The following ZBTB20 variants were observed in gnomAD, a reference collection of about 807,000 sequenced individuals.
ZBTB20 encodes the protein zinc finger and BTB domain containing 20.
Under a neutral mutation model 56.9 loss-of-function variants are expected in ZBTB20, and 9 were observed. That is an observed-to-expected ratio of 0.16 (90% CI 0.10 to 0.28). The LOEUF (loss-of-function observed/expected upper bound fraction) is 0.28. ZBTB20 is among the 10% of genes least tolerant of loss of function. ZBTB20 has a pLI of 1.00. For synonymous variants in ZBTB20, 417 were observed against 420.7 expected, an observed-to-expected ratio of 0.99 and a Z score of 0.11; for missense variants, 655 against 1,003.0, an observed-to-expected ratio of 0.65 and a Z score of 4.69.
In ZBTB20 at chr3:114,862,652, T is replaced by G. The variant is rs150198347; in HGVS notation, c.-417+37652A>C. 7.4e-3 allele frequency among the ~76,000 whole-genome samples: 1,122 copies of G among 152,254 alleles called. 16 individuals are homozygous for G. The highest frequency in any genetic ancestry group is 0.025 in the African/African-American group (1,041 of 41,568). On this transcript the variant is annotated intron_variant, in intron 4 of 11. Transcript: ENST00000675478. The stretch of plus-strand genomic sequence containing the variant: ...TGGTGTCTTATTCACTATTGTATGC[T>G]CCGAGCCTATAACATACCTGGATGG...
chr3:114,774,492 T>C (rs987499136), intron 5 of ZBTB20, among the ~76,000 whole-genome samples: 1 of 152,174 alleles, frequency 6.6e-6, no homozygotes, highest in African/African-American at 2.4e-5. Flanking sequence ...TACCACATTC[T>C]GCTTCCTAGA....
chr3:114,483,789 A>AT (rs1227509074), intron 7 of ZBTB20, among the ~76,000 whole-genome samples: 1 of 152,098 alleles, frequency 6.6e-6, no homozygotes, highest in East Asian at 1.9e-4. Flanking sequence ...TTAACTTTTT[A>AT]TTTGGGGGAA....
At chr3:114,635,291 C>A (rs2059197178) in intron 6 of ZBTB20, among the ~76,000 whole-genome samples, 1 of 152,160 alleles carries the variant, frequency 6.6e-6, no homozygotes, top group South Asian at 2.1e-4. Context: ...AGGTGTATGT[C>A]TCTATCTTGT....
chr3:114,952,395 CAGCTTTT>C (rs1425979219), intron 3 of ZBTB20, among the ~76,000 whole-genome samples: 3 of 152,054 alleles, frequency 2.0e-5, no homozygotes, highest in African/African-American at 7.2e-5. Context: ...TTAGACTTCT[CAGCTTTT>C]AGAACTGTGA....
intron 4 of ZBTB20, among the ~76,000 whole-genome samples, chr3:114,860,149 T>C (rs1475320622): frequency 6.6e-6 from 1 of 151,840 alleles, no homozygotes; most frequent in Non-Finnish European, 1.5e-5. Flanking sequence ...TCTACTAAAA[T>C]ACAAAAAATT....
intron 3 of ZBTB20, among the ~76,000 whole-genome samples, chr3:114,909,527 T>C (rs1395957440): frequency 1.3e-5 from 2 of 152,028 alleles, no homozygotes; most frequent in Non-Finnish European, 2.9e-5. Flanking sequence ...TACAGTAATG[T>C]CCTAGGCCTT....
At chr3:114,522,385 G>A (rs187321115) in intron 6 of ZBTB20, among the ~76,000 whole-genome samples, 1 of 152,144 alleles carries the variant, frequency 6.6e-6, no homozygotes. Context: ...TGAAGACAGA[G>A]AGGTAATGGG....
intron 1 of ZBTB20, among the ~76,000 whole-genome samples, chr3:115,081,363 G>A (rs2082788526): frequency 6.6e-6 from 1 of 152,036 alleles, no homozygotes; most frequent in South Asian, 2.1e-4. Context: ...CACATCTGTA[G>A]GGTTTGGTTG....
intron 7 of ZBTB20, among the ~76,000 whole-genome samples, chr3:114,457,082 G>A (rs994583534): frequency 6.6e-6 from 1 of 152,214 alleles, no homozygotes; most frequent in South Asian, 2.1e-4. Flanking sequence ...TTTTGATAAT[G>A]GCAGATCCTT....
At chr3:114,756,450 G>A (rs948328347) in intron 5 of ZBTB20, among the ~76,000 whole-genome samples, 5 of 151,994 alleles carry the variant, frequency 3.3e-5, no homozygotes, top group African/African-American at 1.2e-4. Flanking sequence ...TCAGTCTTTC[G>A]ATTACACACA....
At chr3:115,115,334 A>G (rs1427398413) in intron 1 of ZBTB20, among the ~76,000 whole-genome samples, 1 of 152,092 alleles carries the variant, frequency 6.6e-6, no homozygotes, top group Non-Finnish European at 1.5e-5. Flanking sequence ...TAGATAACAT[A>G]GATTTTCAAG....
intron 6 of ZBTB20, chr3:114,684,591 A>C (rs2062205056): frequency 6.6e-6 from 1 of 152,168 alleles, no homozygotes. Context: ...ACCCTGCCTG[A>C]GCAGCTCCTG....
Position 114,987,573 on chromosome 3 carries a change from T to C in ZBTB20, c.-506-13157A>G, listed in dbSNP as rs573476214. Among the ~76,000 whole-genome samples the C allele has an allele frequency of 2.0e-5, 3 of 152,190 alleles. 1 individual carries two copies. Among genetic ancestry groups the C allele is most frequent in the Admixed American group, 6.6e-5 (1 of 15,262 alleles). On this transcript the variant is annotated intron_variant, in intron 2 of 11. Transcript: ENST00000675478. ...GAGGTTTCAATAGCTTTATTACCTA[T>C]GCTCTTGCTGTTTGTTCAGCATGCT...
At chr3:114,688,181 G>C (rs151334730) in intron 6 of ZBTB20, 2 of 152,216 alleles carry the variant, frequency 1.3e-5, no homozygotes, top group East Asian at 3.9e-4. Flanking sequence ...AGTGAGCCAA[G>C]ATTGCACCAC....
chr3:114,812,184 G>T (rs990506512), intron 4 of ZBTB20, among the ~76,000 whole-genome samples: 1 of 152,112 alleles, frequency 6.6e-6, no homozygotes, highest in Admixed American at 6.5e-5. Flanking sequence ...TGCTGGCTCC[G>T]GCAGCCTGCT....
chr3:114,546,954 A>G (rs1298776256), intron 6 of ZBTB20, among the ~76,000 whole-genome samples: 2 of 152,214 alleles, frequency 1.3e-5, no homozygotes, highest in Non-Finnish European at 2.9e-5. Context: ...GGAACTGGAA[A>G]GCCCACCAAC....
chr3:114,957,297 T>C (rs2077279713), intron 3 of ZBTB20, among the ~76,000 whole-genome samples: 1 of 152,124 alleles, frequency 6.6e-6, no homozygotes, highest in African/African-American at 2.4e-5. Context: ...CTGTAGACTT[T>C]AAAGGAAAGT....
chr3:114,703,646 A>G (rs1320745847), intron 5 of ZBTB20, among the ~76,000 whole-genome samples: 2 of 152,214 alleles, frequency 1.3e-5, no homozygotes, highest in African/African-American at 4.8e-5. Flanking sequence ...ACAACCAATT[A>G]TTTTGACTGG....
At chr3:114,835,281 A>G (rs895972820) in intron 4 of ZBTB20, among the ~76,000 whole-genome samples, 2 of 152,302 alleles carry the variant, frequency 1.3e-5, no homozygotes, top group African/African-American at 4.8e-5. Flanking sequence ...ATGTATCTTT[A>G]CAATTCTCAA....
Sources: allele counts gnomAD v4.1 joint callset (sites outside exome capture counted in the v4.1 genomes callset), GRCh38; gene constraint gnomAD v4.1.1; transcripts MANE v1.5; gene names NCBI Gene and HGNC (gene_info 2026-07-23, HGNC 2026-07-21).